OPCML: variants seen among roughly 807,000 people sequenced by gnomAD.
OPCML encodes opioid binding protein/cell adhesion molecule like.
OPCML carries 13 observed loss-of-function variants against 37.8 expected under a neutral mutation model. The ratio of observed to expected loss-of-function variants is 0.34; its 90% CI spans 0.22 to 0.55. The LOEUF is 0.55. Ranked by LOEUF, OPCML falls within the 20% of genes least tolerant of loss-of-function variation. OPCML has a pLI of 0.91. For missense variants in OPCML, 341 were observed against 435.6 expected (o/e 0.78, Z 1.93); for synonymous variants, 176 against 168.8 (o/e 1.04, Z -0.33).
At chr11:133,140,572 A>AGAAGAAGAAGAAGAAGAAGAAGAAG (rs1565467437) in intron 1 of OPCML, among the ~76,000 whole-genome samples, 1 of 147,892 alleles carries the variant, frequency 6.8e-6, no homozygotes, top group African/African-American at 2.5e-5. Flanking sequence ...AAGAAGAAGA[A>AGAAGAAGAAGAAGAAGAAGAAGAAG]GAAGAAAGAA....
intron 1 of OPCML, among the ~76,000 whole-genome samples, chr11:133,251,279 C>T (rs769407961): frequency 6.6e-6 from 1 of 151,838 alleles, no homozygotes; most frequent in Non-Finnish European, 1.5e-5. Flanking sequence ...TTTTATAGAA[C>T]AGAAAAAAAG....
At chr11:132,852,944 T>A (rs1941882477) in intron 2 of OPCML, among the ~76,000 whole-genome samples, 1 of 151,878 alleles carries the variant, frequency 6.6e-6, no homozygotes, top group Non-Finnish European at 1.5e-5. Context: ...AGACACCTTA[T>A]GTAGCCCGCA....
chr11:133,530,544 T>G (rs1470547824), intron 1 of OPCML, among the ~76,000 whole-genome samples: 1 of 152,212 alleles, frequency 6.6e-6, no homozygotes, highest in Non-Finnish European at 1.5e-5. Context: ...ACGGACCCAG[T>G]GCACCCACCT....
chr11:133,117,696 C>T (rs1451713937), intron 1 of OPCML: 2 of 734,560 alleles, frequency 2.7e-6, no homozygotes, highest in African/African-American at 1.9e-5. Flanking sequence ...GTTTGGTAAT[C>T]ACTCTCAAAA....
chr11:133,414,851 C>T (rs527636832), intron 1 of OPCML, among the ~76,000 whole-genome samples: 1 of 152,218 alleles, frequency 6.6e-6, no homozygotes, highest in South Asian at 2.1e-4. Context: ...ACATCCTGAC[C>T]TTGGAGAATT....
chr11:132,426,563 G>A (rs537569450), intron 7 of OPCML, among the ~76,000 whole-genome samples: 3 of 152,192 alleles, frequency 2.0e-5, no homozygotes, highest in African/African-American at 7.2e-5. Context: ...CTCCCAAGTA[G>A]CAGGGATTAT....
At chr11:133,005,392 A>C in intron 1 of OPCML, 1 of 985,352 alleles carries the variant, frequency 1.0e-6, no homozygotes, top group Non-Finnish European at 1.2e-6. Flanking sequence ...ATATCTGTCT[A>C]CATTAATGCT....
intron 1 of OPCML, among the ~76,000 whole-genome samples, chr11:133,019,565 G>A (rs1782604236): frequency 2.6e-5 from 4 of 152,122 alleles, no homozygotes; most frequent in Admixed American, 2.0e-4. Flanking sequence ...TTGGGTTTGG[G>A]GAAGAAGGTC....
At chr11:133,482,918 G>T (rs1454096028) in intron 1 of OPCML, among the ~76,000 whole-genome samples, 1 of 152,034 alleles carries the variant, frequency 6.6e-6, no homozygotes, top group Non-Finnish European at 1.5e-5. Context: ...ATATACATTT[G>T]ATCACATTGA....
intron 1 of OPCML, among the ~76,000 whole-genome samples, chr11:133,235,266 C>A (rs12417150): frequency 6.6e-6 from 1 of 152,282 alleles, no homozygotes; most frequent in African/African-American, 2.4e-5. Context: ...GCAAGTAACC[C>A]TCAGTAAGAG....
chr11:132,949,989 C>T (rs7115863), intron 1 of OPCML, among the ~76,000 whole-genome samples: 23,698 of 152,068 alleles, frequency 0.16, 2,426 homozygotes, highest in African/African-American at 0.29. Flanking sequence ...CCTGACTGAT[C>T]GGCTGAGTGA....
rs1939043271 is a variant in OPCML at position 133,205,922 on chromosome 11, C to G, written c.62-262912G>C. Among the ~76,000 whole-genome samples, 1 of 152,076 alleles carries G rather than the reference C, an allele frequency of 6.6e-6. No individual in the cohort carries two copies. The highest frequency in any genetic ancestry group is 1.5e-5 in the Non-Finnish European group (1 of 68,020). The stretch of plus-strand genomic sequence containing the variant: ...GGGGCCAGGGTTCACAATCTGTCTC[C>G]AAATCCCAGACAGCTCTGTAATCTT... On this transcript the variant is annotated intron_variant, in intron 1 of 7. Transcript: ENST00000524381. The surrounding 1 kb of genome is among the most constrained non-coding windows in gnomAD (Gnocchi z 4.8).
At chr11:133,528,948 T>C (rs1165375624) in intron 1 of OPCML, among the ~76,000 whole-genome samples, 1 of 152,226 alleles carries the variant, frequency 6.6e-6, no homozygotes, top group Non-Finnish European at 1.5e-5. Context: ...CCTTGCATCA[T>C]GGTGCTGGCC....
intron 2 of OPCML, among the ~76,000 whole-genome samples, chr11:132,928,238 C>T (rs1040145761): frequency 6.6e-6 from 1 of 151,838 alleles, no homozygotes. Flanking sequence ...CCAAGAGACC[C>T]AGTTTAGATT....
intron 1 of OPCML, among the ~76,000 whole-genome samples, chr11:133,153,949 C>T (rs1341571999): frequency 2.0e-5 from 3 of 152,100 alleles, no homozygotes; most frequent in Admixed American, 6.5e-5. Flanking sequence ...GTTTACTTCT[C>T]ACCGAGAACA....
In OPCML at chr11:133,259,320, C is replaced by G. The variant is rs77356050; in HGVS notation, c.61+272944G>C. On this transcript the variant is annotated intron_variant, in intron 1 of 7. Coordinates refer to ENST00000524381, the MANE Select transcript of OPCML (RefSeq NM_001012393.5). ...TATGGGCTTATATTATTAACCTCATCATTCACCTTCTCTAGTTTCTAGAAG... is the reference window on the plus strand; with the variant it reads ...TATGGGCTTATATTATTAACCTCATGATTCACCTTCTCTAGTTTCTAGAAG... Among the ~76,000 whole-genome samples the G allele has an allele frequency of 9.2e-3, 1,397 of 152,290 alleles. 20 individuals carry two copies. Among genetic ancestry groups the G allele is most frequent in the African/African-American group, 0.031 (1,298 of 41,560 alleles).
chr11:133,217,785 G>A (rs1939646312), intron 1 of OPCML, among the ~76,000 whole-genome samples: 2 of 152,200 alleles, frequency 1.3e-5, no homozygotes, highest in Admixed American at 1.3e-4. Context: ...AGGTGCAGTG[G>A]CTAGCACCTG....
chr11:133,127,918 A>C (rs1851876239), intron 1 of OPCML, among the ~76,000 whole-genome samples: 1 of 152,090 alleles, frequency 6.6e-6, no homozygotes, highest in Non-Finnish European at 1.5e-5. Flanking sequence ...GTTGGCCAGC[A>C]GAAGACGGGA....
At chr11:133,393,187 C>T (rs1437944544) in intron 1 of OPCML, among the ~76,000 whole-genome samples, 1 of 152,176 alleles carries the variant, frequency 6.6e-6, no homozygotes, top group Non-Finnish European at 1.5e-5. Flanking sequence ...AAGCTACATT[C>T]AGGCACAAGT....
Sources: gnomAD v4.1 joint callset for allele counts (sites outside exome capture counted in the v4.1 genomes callset) on GRCh38, gnomAD v4.1.1 for gene constraint, Gnocchi (gnomAD v3.1) non-coding constraint, MANE v1.5 for transcripts, NCBI Gene and HGNC (gene_info 2026-07-23, HGNC 2026-07-21) for gene names.